Variants in MEIKIN observed in about 807,000 individuals in gnomAD.
The protein encoded by MEIKIN is meiosis-specific kinetochore protein.
chr5:131,834,240 A>G (rs140276474), intron 11 of MEIKIN, among the ~76,000 whole-genome samples: 75 of 152,340 alleles, frequency 4.9e-4, no homozygotes, highest in African/African-American at 1.8e-3. Flanking sequence ...AATTGCATAT[A>G]TTCAAGGTGT....
chr5:131,893,806 ATTTTCTC>A (rs1217765651), intron 8 of MEIKIN, among the ~76,000 whole-genome samples: 5 of 151,798 alleles, frequency 3.3e-5, no homozygotes, highest in Non-Finnish European at 4.4e-5. Flanking sequence ...GAGTGCAAAA[ATTTTCTC>A]CCATTCTGTA....
At position 131,856,799 on chromosome 5, in the gene MEIKIN, A is replaced by G. The variant is rs1288636024; in HGVS notation, c.775-1965T>C. 5.9e-5 allele frequency among the ~76,000 whole-genome samples: 9 copies of G among 151,570 alleles called. No individual in the cohort carries two copies. The East Asian group carries it at 1.5e-3, about 26-fold the overall frequency. ...TAGATTTGTTAAAATATATATATAT[A>G]TATTTCTAAATCTTCCCAATCAGTA... On this transcript the variant is annotated intron_variant, in intron 9 of 12. Transcript: ENST00000442687.
At chr5:131,868,343 C>A (rs1750426918) in intron 9 of MEIKIN, among the ~76,000 whole-genome samples, 2 of 152,198 alleles carry the variant, frequency 1.3e-5, no homozygotes, top group African/African-American at 4.8e-5. Flanking sequence ...CTCAGTCCCC[C>A]AAAATGTTGG....
chr5:131,933,065 A>G (rs939250346), intron 5 of MEIKIN, among the ~76,000 whole-genome samples: 6 of 152,190 alleles, frequency 3.9e-5, no homozygotes, highest in Non-Finnish European at 8.8e-5. Context: ...CATGTATTTG[A>G]TCTGCCATCA....
intron 4 of MEIKIN, among the ~76,000 whole-genome samples, chr5:131,934,257 A>C (rs1308489626): frequency 6.6e-6 from 1 of 152,044 alleles, no homozygotes; most frequent in African/African-American, 2.4e-5. Context: ...CACCGTGCCC[A>C]GCCAAAATTT....
At chr5:131,815,110 C>A (rs1034306673) in intron 12 of MEIKIN, among the ~76,000 whole-genome samples, 1 of 83,926 alleles carries the variant, frequency 1.2e-5, no homozygotes, top group African/African-American at 5.1e-5. Flanking sequence ...TCATGGAATG[C>A]TTTACCCATT....
intron 7 of MEIKIN, among the ~76,000 whole-genome samples, chr5:131,914,395 AAAAG>A (rs1221606239): frequency 2.0e-5 from 3 of 150,546 alleles, no homozygotes; most frequent in South Asian, 2.1e-4. Context: ...AAAAAAAAAA[AAAAG>A]AAAGAAAGAA....
chr5:131,902,134 T>C (rs1432631617), intron 8 of MEIKIN, among the ~76,000 whole-genome samples: 1 of 152,184 alleles, frequency 6.6e-6, no homozygotes, highest in Non-Finnish European at 1.5e-5. Context: ...CTGCCATGAC[T>C]GTAAGTTTCC....
At chr5:131,857,237 A>G (rs1037695517) in intron 9 of MEIKIN, among the ~76,000 whole-genome samples, 1 of 152,158 alleles carries the variant, frequency 6.6e-6, no homozygotes, top group Non-Finnish European at 1.5e-5. Flanking sequence ...AGCACTTCTC[A>G]CATGTCCTAT....
At chr5:131,834,752 T>C (rs1414509339) in intron 11 of MEIKIN, among the ~76,000 whole-genome samples, 1 of 152,204 alleles carries the variant, frequency 6.6e-6, no homozygotes, top group Non-Finnish European at 1.5e-5. Context: ...ATTGTAAATA[T>C]TGCTGCAATA....
At chr5:131,886,801 C>G (rs912330760) in intron 8 of MEIKIN, among the ~76,000 whole-genome samples, 1 of 151,972 alleles carries the variant, frequency 6.6e-6, no homozygotes, top group African/African-American at 2.4e-5. Flanking sequence ...ACTCTTATCT[C>G]TTTATTTTTT....
chr5:131,851,579 G>A (rs1750116421), intron 10 of MEIKIN, among the ~76,000 whole-genome samples, 196 bp from the exon 11 acceptor site: 1 of 152,158 alleles, frequency 6.6e-6, no homozygotes, highest in Non-Finnish European at 1.5e-5. Context: ...CATGTTTAGA[G>A]ACAAATCAAT....
intron 8 of MEIKIN, among the ~76,000 whole-genome samples, chr5:131,906,541 T>C (rs1298937903): frequency 2.0e-5 from 3 of 151,130 alleles, no homozygotes; most frequent in Non-Finnish European, 3.0e-5. Flanking sequence ...ATATAACTTA[T>C]TCTACCATAA....
chr5:131,932,652 G>T (rs974208876), intron 5 of MEIKIN, among the ~76,000 whole-genome samples: 3 of 152,108 alleles, frequency 2.0e-5, no homozygotes, highest in African/African-American at 7.2e-5. Context: ...CGAATAATTG[G>T]GACTGACATT....
chr5:131,931,392 T>C (rs988803890), intron 5 of MEIKIN, among the ~76,000 whole-genome samples: 1 of 152,192 alleles, frequency 6.6e-6, no homozygotes, highest in Admixed American at 6.5e-5. Context: ...AATGTTTGTG[T>C]CCTAGACCAA....
chr5:131,892,357 C>G (rs967250016), intron 8 of MEIKIN, among the ~76,000 whole-genome samples: 20 of 152,202 alleles, frequency 1.3e-4, no homozygotes, highest in Non-Finnish European at 2.5e-4. Context: ...GTACACCAAT[C>G]AGACGTAATT....
At chr5:131,867,783 C>T (rs1486799314) in intron 9 of MEIKIN, among the ~76,000 whole-genome samples, 1 of 152,172 alleles carries the variant, frequency 6.6e-6, no homozygotes, top group Non-Finnish European at 1.5e-5. Flanking sequence ...TAATGAAGAA[C>T]ATTTTCGTTG....
chr5:131,899,764 G>A (rs900343809), intron 8 of MEIKIN, among the ~76,000 whole-genome samples: 1 of 152,096 alleles, frequency 6.6e-6, no homozygotes, highest in African/African-American at 2.4e-5. Context: ...TCAGCAAGAA[G>A]ATGTAATAAT....
At position 131,892,129 on chromosome 5, in the gene MEIKIN, C is replaced by T. The variant is rs201309362; in HGVS notation, c.704-13081G>A. The stretch of plus-strand genomic sequence containing the variant: ...TCCCTTTGTGGGTAACCCAACCTTT[C>T]TCTCTGGCTGCCCTTAACATTTTTT... On this transcript the variant is annotated intron_variant, in intron 8 of 12. Transcript: ENST00000442687. 1.2e-4 allele frequency among the ~76,000 whole-genome samples: 18 copies of T among 152,310 alleles called. No individual in the cohort carries two copies. The East Asian group carries it at 3.5e-3, about 29-fold the overall frequency.
Sources: allele counts gnomAD v4.1 joint callset (sites outside exome capture counted in the v4.1 genomes callset), GRCh38; gene constraint gnomAD v4.1.1; transcripts MANE v1.5; gene names NCBI Gene and HGNC (gene_info 2026-07-23, HGNC 2026-07-21).